Variants in FRMD4A observed in about 807,000 individuals in gnomAD.
FRMD4A encodes the protein FERM domain-containing protein 4A.
In FRMD4A, 29 loss-of-function variants were observed where a neutral mutation model predicts 129.1. The observed-to-expected ratio is 0.22, with a 90% CI of 0.17 to 0.31. The LOEUF is 0.31. FRMD4A is among the 10% of genes least tolerant of loss of function. The pLI is 1.00. For synonymous variants in FRMD4A, 634 were observed against 571.6 expected (o/e 1.11, Z -1.56); for missense variants, 1,272 against 1,375.8 (o/e 0.92, Z 1.19).
intron 2 of FRMD4A, among the ~76,000 whole-genome samples, chr10:14,319,016 C>T (rs1208347345): frequency 6.6e-6 from 1 of 152,168 alleles, no homozygotes; most frequent in Non-Finnish European, 1.5e-5. Flanking sequence ...CTTGAAGCAG[C>T]CATATTTTGA....
intron 6 of FRMD4A, among the ~76,000 whole-genome samples, chr10:13,780,258 C>T (rs927092306): frequency 6.6e-5 from 10 of 150,998 alleles, no homozygotes; most frequent in Non-Finnish European, 8.8e-5. Flanking sequence ...ACCTGGGAGG[C>T]GGAGGCTGCA....
chr10:13,877,402 C>T (rs1348726979), intron 2 of FRMD4A, among the ~76,000 whole-genome samples: 1 of 152,174 alleles, frequency 6.6e-6, no homozygotes, highest in East Asian at 1.9e-4. Flanking sequence ...CAGTGACACC[C>T]TTAAATCAGA....
At chr10:13,746,911 G>A (rs1019898412) in intron 9 of FRMD4A, among the ~76,000 whole-genome samples, 1 of 152,124 alleles carries the variant, frequency 6.6e-6, no homozygotes, top group South Asian at 2.1e-4. Flanking sequence ...TTCAGAATCA[G>A]CCATTTAGGG....
At chr10:14,036,610 A>T (rs1833513928) in intron 2 of FRMD4A, among the ~76,000 whole-genome samples, 1 of 152,152 alleles carries the variant, frequency 6.6e-6, no homozygotes, top group Admixed American at 6.5e-5. Flanking sequence ...CACATGCTTG[A>T]GAGGGAGCAA....
intron 2 of FRMD4A, among the ~76,000 whole-genome samples, chr10:14,266,998 C>T (rs892119268): frequency 6.6e-6 from 1 of 152,190 alleles, no homozygotes; most frequent in African/African-American, 2.4e-5. Flanking sequence ...GTTTTAGTGT[C>T]ACTAGTGCTG....
At chr10:13,725,612 A>C (rs996074049) in intron 12 of FRMD4A, among the ~76,000 whole-genome samples, 2 of 152,222 alleles carry the variant, frequency 1.3e-5, no homozygotes, top group African/African-American at 4.8e-5. Flanking sequence ...GGCTTCAACA[A>C]GAACACAAGA....
At chr10:14,190,472 A>C (rs1199976250) in intron 2 of FRMD4A, among the ~76,000 whole-genome samples, 1 of 152,190 alleles carries the variant, frequency 6.6e-6, no homozygotes, top group African/African-American at 2.4e-5. Flanking sequence ...CCAAGGCTCT[A>C]GCGATCCTGC....
At chr10:14,229,370 T>C (rs917644737) in intron 2 of FRMD4A, among the ~76,000 whole-genome samples, 1 of 152,236 alleles carries the variant, frequency 6.6e-6, no homozygotes, top group African/African-American at 2.4e-5. Flanking sequence ...TCATTTAAAC[T>C]TGTGCTACTC....
intron 3 of FRMD4A, among the ~76,000 whole-genome samples, chr10:13,825,369 G>A (rs569907560): frequency 7.0e-4 from 106 of 152,292 alleles, no homozygotes; most frequent in Middle Eastern, 6.8e-3. Flanking sequence ...GTACTGGTCC[G>A]TGGCCTGTTA....
At chr10:13,918,035 A>G (rs182810169) in intron 2 of FRMD4A, among the ~76,000 whole-genome samples, 1 of 152,362 alleles carries the variant, frequency 6.6e-6, no homozygotes, top group Admixed American at 6.5e-5. Context: ...CGGAGAATTC[A>G]GCTGACCTGC....
At chr10:14,014,080 G>A (rs2095690488) in intron 2 of FRMD4A, among the ~76,000 whole-genome samples, 1 of 152,150 alleles carries the variant, frequency 6.6e-6, no homozygotes. Flanking sequence ...GAGGTGGGTG[G>A]GGATGCAGGG....
At chr10:13,765,842 CTG>C (rs1246215734) in intron 6 of FRMD4A, among the ~76,000 whole-genome samples, 2 of 152,236 alleles carry the variant, frequency 1.3e-5, no homozygotes. Context: ...TACTCTCACT[CTG>C]TGCGTTTCCA....
intron 2 of FRMD4A, among the ~76,000 whole-genome samples, chr10:13,915,653 C>T (rs2094993737): frequency 7.0e-6 from 1 of 143,176 alleles, no homozygotes; most frequent in African/African-American, 2.6e-5. Flanking sequence ...GACTGGGCGA[C>T]AGAGTGACTC....
intron 2 of FRMD4A, among the ~76,000 whole-genome samples, chr10:14,212,544 T>C (rs529663834): frequency 6.6e-6 from 1 of 152,170 alleles, no homozygotes; most frequent in Admixed American, 6.5e-5. Flanking sequence ...GCTCTCCCAC[T>C]CTAGATGCTG....
intron 19 of FRMD4A, among the ~76,000 whole-genome samples, chr10:13,660,897 C>T (rs10752314): frequency 0.81 from 123,816 of 152,112 alleles, 50,531 homozygotes; most frequent in East Asian, 0.87. Flanking sequence ...TGCTGTAGTG[C>T]TAAGTTGTCT....
At chr10:13,653,086 G>A (rs1231749204) in intron 23 of FRMD4A, 2 of 152,216 alleles carry the variant, frequency 1.3e-5, no homozygotes, top group East Asian at 3.8e-4. Context: ...GGATGATGAG[G>A]ATTGTATGAG....
intron 3 of FRMD4A, among the ~76,000 whole-genome samples, chr10:13,820,793 A>G (rs978238194): frequency 6.6e-6 from 1 of 152,144 alleles, no homozygotes; most frequent in African/African-American, 2.4e-5. Context: ...CTGCCTGCCC[A>G]TCCACTCTGC....
At chr10:13,749,218 C>A (rs1026337324) in intron 8 of FRMD4A, among the ~76,000 whole-genome samples, 3 of 152,216 alleles carry the variant, frequency 2.0e-5, no homozygotes, top group Non-Finnish European at 4.4e-5. Flanking sequence ...TAGGAGCATT[C>A]TGCCTTTGAT....
intron 2 of FRMD4A, among the ~76,000 whole-genome samples, chr10:13,982,933 G>A (rs1035302593): frequency 6.6e-6 from 1 of 152,076 alleles, no homozygotes; most frequent in Non-Finnish European, 1.5e-5. Flanking sequence ...TCTATTTGCA[G>A]GTCCTCTTTG....
Sources: gnomAD v4.1 joint callset for allele counts (sites outside exome capture counted in the v4.1 genomes callset) on GRCh38, gnomAD v4.1.1 for gene constraint, MANE v1.5 for transcripts, NCBI Gene and HGNC (gene_info 2026-07-23, HGNC 2026-07-21) for gene names.